Variants in GPBP1 observed in about 807,000 individuals in gnomAD.
GPBP1 encodes the protein GC-rich promoter binding protein 1, also known as vasculin.
A neutral mutation model predicts 56.5 loss-of-function variants in GPBP1; 13 were observed. The observed-to-expected ratio is 0.23, with a 90% CI of 0.15 to 0.37. The LOEUF (loss-of-function observed/expected upper bound fraction) is 0.37. Ranked by LOEUF, GPBP1 falls within the 10% of genes least tolerant of loss-of-function variation. The pLI is 1.00. For missense variants in GPBP1, 477 were observed against 572.3 expected, an observed-to-expected ratio of 0.83 and a Z score of 1.70; for synonymous variants, 204 against 188.9, an observed-to-expected ratio of 1.08 and a Z score of -0.66.
At chr5:57,185,463 TTCA>T (rs540742376) in intron 2 of GPBP1, among the ~76,000 whole-genome samples, 4 of 151,990 alleles carry the variant, frequency 2.6e-5, no homozygotes, top group Non-Finnish European at 4.4e-5. Flanking sequence ...GAAACGGGGT[TTCA>T]TCATATTGGT....
chr5:57,235,767 AG>A (rs751368227), intron 5 of GPBP1, among the ~76,000 whole-genome samples, 198 bp from the exon 6 acceptor site: 99 of 152,238 alleles, frequency 6.5e-4, no homozygotes, highest in Non-Finnish European at 1.1e-3. Context: ...CCAAAATCCA[AG>A]TGCTTCAATG....
intron 2 of GPBP1, among the ~76,000 whole-genome samples, chr5:57,203,985 C>T (rs1206274883): frequency 2.0e-5 from 3 of 152,126 alleles, no homozygotes; most frequent in Non-Finnish European, 4.4e-5. Flanking sequence ...AGGGCATTTA[C>T]CATCCTTATC....
At chr5:57,210,069 C>CATCTGATGAAATCAA (rs1755407403) in intron 2 of GPBP1, among the ~76,000 whole-genome samples, 1 of 152,080 alleles carries the variant, frequency 6.6e-6, no homozygotes, top group South Asian at 2.1e-4. Flanking sequence ...GTAAGTTTTT[C>CATCTGATGAAATCAA]TTTGAAAACG....
intron 2 of GPBP1, among the ~76,000 whole-genome samples, chr5:57,188,253 A>T (rs1431894822): frequency 6.6e-6 from 1 of 151,908 alleles, no homozygotes; most frequent in Non-Finnish European, 1.5e-5. Context: ...CAAAAAAAAA[A>T]AAATGGTTGA....
chr5:57,253,361 G>A (rs1741480256), intron 10 of GPBP1, among the ~76,000 whole-genome samples: 1 of 152,086 alleles, frequency 6.6e-6, no homozygotes, highest in South Asian at 2.1e-4. Flanking sequence ...AGCAAGCTTA[G>A]GGCTAAGTTA....
intron 11 of GPBP1, among the ~76,000 whole-genome samples, chr5:57,262,027 T>G (rs1741916297): frequency 6.6e-6 from 1 of 152,152 alleles, no homozygotes; most frequent in African/African-American, 2.4e-5. Flanking sequence ...GGCTACTGGC[T>G]TGTGCCACTA....
intron 9 of GPBP1, 34 bp downstream of exon 9, chr5:57,249,610 T>C (rs765574947): frequency 1.5e-5 from 23 of 1,533,756 alleles, no homozygotes; most frequent in Non-Finnish European, 1.7e-5. Flanking sequence ...TGATTTGACA[T>C]TGATATGTCA....
chr5:57,211,700 C>T (rs1755488107), intron 2 of GPBP1, among the ~76,000 whole-genome samples: 1 of 151,934 alleles, frequency 6.6e-6, no homozygotes, highest in Non-Finnish European at 1.5e-5. Context: ...TCTCCTGCCT[C>T]AGCCTCCTGA....
At chr5:57,236,663 T>C (rs1756676082) in intron 6 of GPBP1, among the ~76,000 whole-genome samples, 1 of 152,140 alleles carries the variant, frequency 6.6e-6, no homozygotes, top group South Asian at 2.1e-4. Flanking sequence ...AAGATTAAAC[T>C]GAACTCATAT....
At chr5:57,250,675 T>C (rs764205554) in intron 9 of GPBP1, among the ~76,000 whole-genome samples, 2 of 151,614 alleles carry the variant, frequency 1.3e-5, no homozygotes, top group Non-Finnish European at 2.9e-5. Flanking sequence ...CCCAAGCAGC[T>C]AGGACTACAG....
In GPBP1 at chr5:57,249,503, A is replaced by C; in HGVS notation, c.899A>C (p.Glu300Ala). 1 of 1,613,542 alleles carries C rather than the reference A, an allele frequency of 6.2e-7. No individual in the cohort carries two copies. The highest frequency in any genetic ancestry group is 8.5e-7 in the Non-Finnish European group (1 of 1,179,764). Residue 300 changes from glutamate (E) to alanine (A), a missense_variant, in exon 9 of 12, where the codon GAA becomes GCA. This residue lies in a region of GPBP1 where 414 missense variants were observed against 458.2 expected (regional missense o/e 0.90). Transcript: ENST00000506184. ...LTRMRTDKKS[E>A]FLKALKRDRV... ...CGAATGCGCACTGATAAGAAGAGTG[A>C]ATTTTTGAAAGCATTGAAAAGAGAC...
At chr5:57,196,719 A>G (rs977300243) in intron 2 of GPBP1, among the ~76,000 whole-genome samples, 5 of 151,314 alleles carry the variant, frequency 3.3e-5, no homozygotes, top group Admixed American at 3.3e-4. Context: ...CAGCCCCCCA[A>G]GTAGCTGGGA....
At chr5:57,214,888 C>T (rs1197289229) in intron 3 of GPBP1, among the ~76,000 whole-genome samples, 1 of 152,180 alleles carries the variant, frequency 6.6e-6, no homozygotes, top group East Asian at 1.9e-4. Flanking sequence ...TCTCTAACGC[C>T]TGACGTTAAG....
At position 57,197,403 on chromosome 5, in the gene GPBP1, C is replaced by CTGGA. The variant is rs1185284823; in HGVS notation, c.-57-16670_-57-16667dup. ...GGACAGTCTCGCTCCGTCGCTCATGCTGGAGTGTGCATTGGTGCGATCTTA... is the reference window on the plus strand; with the variant it reads ...GGACAGTCTCGCTCCGTCGCTCATGCTGGATGGAGTGTGCATTGGTGCGATCTTA... On this transcript the variant is annotated intron_variant, in intron 2 of 11. Coordinates refer to ENST00000506184, the MANE Select transcript of GPBP1 (RefSeq NM_022913.4). 3.8e-5 allele frequency among the ~76,000 whole-genome samples: 5 copies of CTGGA among 133,086 alleles called. No homozygotes were observed. In the East Asian group the frequency reaches 8.5e-4, roughly 23 times the overall value. 87.3% of individuals were successfully genotyped at this position (133,086 alleles called of 152,430 possible). A position where few individuals can be genotyped will look rare whatever the true frequency, so the allele number is the denominator to read the frequency against.
intron 7 of GPBP1, 59 bp from the exon 8 acceptor site, chr5:57,247,012 GTTTT>G: frequency 6.8e-7 from 1 of 1,480,668 alleles, no homozygotes; most frequent in Non-Finnish European, 9.2e-7. Context: ...AATATTCACT[GTTTT>G]TGTCTTTCTC....
At position 57,230,958 on chromosome 5, in the gene GPBP1, G is replaced by A. The variant is rs142697294; in HGVS notation, c.176G>A (p.Arg59His). 2.2e-5 allele frequency: 36 copies of A among 1,600,692 alleles called. No homozygotes were observed. The highest frequency in any genetic ancestry group is 1.7e-4 in the Middle Eastern group (1 of 6,020). Residue 59 changes from arginine to histidine, a missense_variant, in exon 4 of 12, where the codon CGT (arginine) becomes CAT (histidine). Physicochemically the swap from Arg to His is conservative, Grantham distance 29 (BLOSUM62 0). Transcript: ENST00000506184. ...GATGGCTTTGATTCTGCTATTGGGCGTCCTAATGGAGGTAAAATTTGCTAA... is the reference window on the plus strand; with the variant it reads ...GATGGCTTTGATTCTGCTATTGGGCATCCTAATGGAGGTAAAATTTGCTAA... Reference protein sequence around the residue: ...SSDGFDSAIGRPNGGNFGRKE... With the variant: ...SSDGFDSAIGHPNGGNFGRKE...
At chr5:57,228,755 T>A (rs946006558) in intron 3 of GPBP1, among the ~76,000 whole-genome samples, 1 of 151,572 alleles carries the variant, frequency 6.6e-6, no homozygotes, top group African/African-American at 2.4e-5. Flanking sequence ...AAAAAATTTT[T>A]AAAATGCTAT....
intron 3 of GPBP1, among the ~76,000 whole-genome samples, chr5:57,224,023 C>T (rs889410231): frequency 5.3e-5 from 8 of 151,410 alleles, no homozygotes; most frequent in African/African-American, 9.7e-5. Context: ...TTAGTAGAGA[C>T]GGGGTTTCAC....
chr5:57,253,688 A>G (rs989380142), intron 10 of GPBP1, among the ~76,000 whole-genome samples: 1 of 152,156 alleles, frequency 6.6e-6, no homozygotes, highest in Non-Finnish European at 1.5e-5. Flanking sequence ...TTTGAGGAAT[A>G]TTTTAATTTT....
Sources: allele counts gnomAD v4.1 joint callset (sites outside exome capture counted in the v4.1 genomes callset), GRCh38; gene constraint gnomAD v4.1.1; regional missense constraint gnomAD v4.1.1; transcripts MANE v1.5; gene names NCBI Gene and HGNC (gene_info 2026-07-23, HGNC 2026-07-21).